CACHD1: variants seen among roughly 807,000 people sequenced by gnomAD.
The protein encoded by CACHD1 is VWFA and cache domain-containing protein 1.
CACHD1 carries 71 observed loss-of-function variants against 138.7 expected under a neutral mutation model. The observed-to-expected ratio is 0.51, with a 90% confidence interval of 0.42 to 0.62. CACHD1 has a LOEUF of 0.62. Ranked by LOEUF, CACHD1 falls within the 20% of genes least tolerant of loss-of-function variation. The pLI, the probability that CACHD1 is intolerant of heterozygous loss-of-function variation, is 0.00. For synonymous variants in CACHD1, 578 were observed against 591.5 expected (o/e 0.98, Z 0.33); for missense variants, 1,389 against 1,625.3 (o/e 0.85, Z 2.50).
intron 4 of CACHD1, among the ~76,000 whole-genome samples, chr1:64,622,704 C>T (rs773729045): frequency 1.3e-5 from 2 of 152,144 alleles, no homozygotes; most frequent in South Asian, 4.1e-4. Flanking sequence ...ATGCTGTGCT[C>T]TTGCCACCTT....
rs765090592 is a variant in CACHD1, at chr1:64,582,356, A to G, written c.410+52A>G. 3 of 1,481,836 alleles carry G rather than the reference A, an allele frequency of 2.0e-6. No individual in the cohort carries two copies. In the South Asian group the frequency reaches 3.6e-5, roughly 18 times the overall value. The allele number at this position is 1,481,836 out of a possible 1,614,324, so 91.8% of individuals were successfully genotyped here. On this transcript the variant is annotated intron_variant, in intron 3 of 26. Transcript: ENST00000651257. ...GTATAAACCAGACATTGAATTGCTT[A>G]TACATTTCATTTCATATTCAAAATA... is the stretch of plus-strand genomic sequence containing the variant.
At chr1:64,656,632 G>A (rs1196708553) in intron 12 of CACHD1, among the ~76,000 whole-genome samples, 2 of 151,980 alleles carry the variant, frequency 1.3e-5, no homozygotes, top group African/African-American at 4.8e-5. Context: ...TTTTTTCAAC[G>A]ATGCTAGTAA....
chr1:64,489,640 C>T (rs1380439871), intron 1 of CACHD1, among the ~76,000 whole-genome samples: 1 of 152,168 alleles, frequency 6.6e-6, no homozygotes, highest in East Asian at 1.9e-4. Context: ...TTTCCACCGT[C>T]GTTGTAGAGT....
At chr1:64,545,702 C>T (rs1646713133) in intron 1 of CACHD1, among the ~76,000 whole-genome samples, 1 of 152,132 alleles carries the variant, frequency 6.6e-6, no homozygotes, top group Non-Finnish European at 1.5e-5. Flanking sequence ...GAACACACAA[C>T]CATGTGTCTG....
At chr1:64,626,565 G>C (rs902294546) in intron 4 of CACHD1, among the ~76,000 whole-genome samples, 3 of 152,154 alleles carry the variant, frequency 2.0e-5, no homozygotes, top group African/African-American at 7.2e-5. Context: ...GAGGAACTTG[G>C]CCTCTGGCTT....
chr1:64,688,255 T>C (rs1402394460), intron 26 of CACHD1, among the ~76,000 whole-genome samples: 1 of 152,174 alleles, frequency 6.6e-6, no homozygotes, highest in African/African-American at 2.4e-5. Context: ...GCTAAAATCC[T>C]GTTTTCTACT....
intron 3 of CACHD1, among the ~76,000 whole-genome samples, chr1:64,601,642 A>G (rs1313805503): frequency 1.3e-5 from 2 of 152,212 alleles, no homozygotes; most frequent in African/African-American, 2.4e-5. Flanking sequence ...TTGTACAATC[A>G]GTTCCACGTG....
chr1:64,605,933 CTT>C (rs1647322977), intron 4 of CACHD1, among the ~76,000 whole-genome samples: 1 of 152,064 alleles, frequency 6.6e-6, no homozygotes, highest in Admixed American at 6.5e-5. Flanking sequence ...CATTGGGAGA[CTT>C]TACACAGGGG....
chr1:64,681,541 GTTTTTTT>G (rs57993424), intron 25 of CACHD1, among the ~76,000 whole-genome samples: 6 of 68,132 alleles, frequency 8.8e-5, no homozygotes, highest in African/African-American at 3.7e-4. Flanking sequence ...ATTTTATTGT[GTTTTTTT>G]TTTTTTTTTT....
intron 1 of CACHD1, among the ~76,000 whole-genome samples, chr1:64,479,792 T>A (rs1322102854): frequency 6.6e-6 from 1 of 152,288 alleles, no homozygotes; most frequent in East Asian, 1.9e-4. Context: ...GGTTCTCCCC[T>A]CTATTTCAAT....
At position 64,665,748 on chromosome 1, in the gene CACHD1, G is replaced by A. The variant is rs183360013; in HGVS notation, c.2277-309G>A. 1.9e-3 allele frequency among the ~76,000 whole-genome samples: 294 copies of A among 152,280 alleles called. 1 individual carries two copies. Among genetic ancestry groups the A allele is most frequent in the African/African-American group, 6.8e-3 (283 of 41,574 alleles). On this transcript the variant is annotated intron_variant, in intron 15 of 26. Coordinates refer to ENST00000651257, the MANE Select transcript of CACHD1 (RefSeq NM_020925.4). ...ATAACATGACTTGGCCGGGTGCGGTGACTCACACTTGTAATCTCAGCACTT... is the reference window on the plus strand; with the variant it reads ...ATAACATGACTTGGCCGGGTGCGGTAACTCACACTTGTAATCTCAGCACTT...
intron 1 of CACHD1, among the ~76,000 whole-genome samples, chr1:64,474,509 A>G (rs1272075759): frequency 2.0e-5 from 3 of 152,250 alleles, no homozygotes; most frequent in Non-Finnish European, 4.4e-5. Context: ...ATGTTAAGCC[A>G]GGGCTGAGAA....
intron 26 of CACHD1, among the ~76,000 whole-genome samples, chr1:64,682,664 A>G (rs1650231292): frequency 6.6e-6 from 1 of 152,176 alleles, no homozygotes; most frequent in Admixed American, 6.5e-5. Context: ...TGCCTGTAAG[A>G]TGCTCAGGAA....
chr1:64,637,701 T>G (rs1360124636), intron 7 of CACHD1, among the ~76,000 whole-genome samples: 2 of 152,208 alleles, frequency 1.3e-5, no homozygotes, highest in African/African-American at 2.4e-5. Context: ...AGAGGAGCCC[T>G]TTTTAGCCCA....
At chr1:64,616,805 T>C (rs1490437193) in intron 4 of CACHD1, among the ~76,000 whole-genome samples, 1 of 152,054 alleles carries the variant, frequency 6.6e-6, no homozygotes, top group Non-Finnish European at 1.5e-5. Flanking sequence ...TAAGGTCATC[T>C]AAGAGTGAAA....
intron 4 of CACHD1, among the ~76,000 whole-genome samples, chr1:64,611,327 G>A (rs1188742613): frequency 6.6e-6 from 1 of 152,100 alleles, no homozygotes; most frequent in South Asian, 2.1e-4. Flanking sequence ...CCAGGAAATG[G>A]GTTTTTCTTT....
chr1:64,648,677 A>T (rs116543456), intron 9 of CACHD1, among the ~76,000 whole-genome samples: 1 of 152,102 alleles, frequency 6.6e-6, no homozygotes, highest in African/African-American at 2.4e-5. Context: ...TATCATTGTT[A>T]TTATTACTAA....
At chr1:64,557,934 G>A (rs1397108641) in intron 2 of CACHD1, among the ~76,000 whole-genome samples, 1 of 152,126 alleles carries the variant, frequency 6.6e-6, no homozygotes, top group Non-Finnish European at 1.5e-5. Flanking sequence ...GAGCAGCTGG[G>A]ATTACAGGCA....
chr1:64,526,743 G>A (rs769158611), intron 1 of CACHD1, among the ~76,000 whole-genome samples: 8 of 152,146 alleles, frequency 5.3e-5, no homozygotes, highest in Admixed American at 2.0e-4. Flanking sequence ...GGCGTCTGGC[G>A]CCCTGCCGTA....
Sources: gnomAD v4.1 joint callset for allele counts (sites outside exome capture counted in the v4.1 genomes callset) on GRCh38, gnomAD v4.1.1 for gene constraint, MANE v1.5 for transcripts, NCBI Gene and HGNC (gene_info 2026-07-23, HGNC 2026-07-21) for gene names.